Variants in PPP2R5A observed in about 807,000 individuals in gnomAD.
PPP2R5A encodes the protein protein phosphatase 2 regulatory subunit B'alpha, also known as serine/threonine-protein phosphatase 2A 56 kDa regulatory subunit alpha isoform.
A neutral mutation model predicts 64.2 loss-of-function variants in PPP2R5A; 25 were observed. The observed-to-expected ratio is 0.39, with a 90% confidence interval of 0.28 to 0.54. The LOEUF (loss-of-function observed/expected upper bound fraction) is 0.54. Ranked by LOEUF, PPP2R5A falls within the 20% of genes least tolerant of loss-of-function variation. PPP2R5A has a pLI of 0.67. For missense variants in PPP2R5A, 425 were observed against 576.3 expected, an observed-to-expected ratio of 0.74 and a Z score of 2.69; for synonymous variants, 198 against 201.2, an observed-to-expected ratio of 0.98 and a Z score of 0.13.
chr1:212,351,279 ATC>A (rs1166405568), intron 8 of PPP2R5A, among the ~76,000 whole-genome samples: 2 of 152,094 alleles, frequency 1.3e-5, no homozygotes. Context: ...ACTCATAAAG[ATC>A]TCTCGATATA....
rs1658500427 is a variant in PPP2R5A, at chr1:212,286,380, C to T, written c.181+89C>T. ...AGCAGAGCCATTTCCTGCTGGGTTT[C>T]TCCTGCTCAGTTGGGACTGGTAGTG... On this transcript the variant is annotated intron_variant, in intron 1 of 12. Coordinates refer to ENST00000261461, the MANE Select transcript of PPP2R5A (RefSeq NM_006243.4). 5.9e-6 allele frequency: 8 copies of T among 1,356,400 alleles called. No individual in the cohort carries two copies. The East Asian group carries it at 1.5e-4, about 26-fold the overall frequency. The allele number at this position is 1,356,400 out of a possible 1,614,324, so 84.0% of individuals were successfully genotyped here. A position where few individuals can be genotyped will look rare whatever the true frequency, so the allele number is the denominator to read the frequency against.
At chr1:212,343,142 G>A (rs1348652524) in intron 4 of PPP2R5A, among the ~76,000 whole-genome samples, 4 of 151,730 alleles carry the variant, frequency 2.6e-5, no homozygotes, top group East Asian at 1.9e-4. Context: ...TAGTAGAGAC[G>A]GGGTTTCACC....
intron 4 of PPP2R5A, among the ~76,000 whole-genome samples, chr1:212,344,549 G>T (rs1659739869): frequency 6.6e-6 from 1 of 152,152 alleles, no homozygotes; most frequent in Non-Finnish European, 1.5e-5. Flanking sequence ...TATCTTTATT[G>T]TAATTATAAA....
In PPP2R5A at chr1:212,285,985, G is replaced by GGCCGTGGGGCCGGGGC. The variant is rs1658487519; in HGVS notation, c.-123_-108dup. The GGCCGTGGGGCCGGGGC allele has an allele frequency of 1.0e-6, 1 of 981,266 alleles. No individual in the cohort carries two copies. Among genetic ancestry groups the GGCCGTGGGGCCGGGGC allele is most frequent in the Non-Finnish European group, 1.4e-6 (1 of 738,734 alleles). 60.8% of individuals were successfully genotyped at this position (981,266 alleles called of 1,614,324 possible). On this transcript the variant is annotated 5_prime_UTR_variant, in exon 1 of 13. Transcript: ENST00000261461. ...GCTCGGCGGCGTCCCGGGGCCGGAG[G>GGCCGTGGGGCCGGGGC]GCCGTGGGGCCGGGGCGCAGGGGCG...
At chr1:212,350,036 A>G (rs796326619) in intron 8 of PPP2R5A, among the ~76,000 whole-genome samples, 8 of 152,342 alleles carry the variant, frequency 5.3e-5, no homozygotes, top group East Asian at 3.9e-4. Flanking sequence ...AATGGCAAAA[A>G]CCACAATCAC....
At chr1:212,314,088 C>T (rs1025540490) in intron 1 of PPP2R5A, among the ~76,000 whole-genome samples, 4 of 152,162 alleles carry the variant, frequency 2.6e-5, no homozygotes, top group Non-Finnish European at 4.4e-5. Flanking sequence ...GCTTGTTTTT[C>T]GTTAGACTTC....
chr1:212,356,614 T>A lies in PPP2R5A; in HGVS notation c.928-12T>A, dbSNP rs774559162. On this transcript the variant is annotated splice_polypyrimidine_tract_variant and intron_variant, in intron 8 of 12. Transcript: ENST00000261461. ...GTTATTAAATTCATGCTAAACTTTTTCTTTTTCGCAGGTGATCAGAGGACT... is the reference window on the plus strand; with the variant it reads ...GTTATTAAATTCATGCTAAACTTTTACTTTTTCGCAGGTGATCAGAGGACT... The A allele has an allele frequency of 6.2e-7, 1 of 1,607,754 alleles. No homozygotes were observed. The highest frequency in any genetic ancestry group is 8.5e-7 in the Non-Finnish European group (1 of 1,177,834).
chr1:212,356,458 T>C (rs1445164860), intron 8 of PPP2R5A, among the ~76,000 whole-genome samples, 168 bp from the exon 9 acceptor site: 1 of 152,226 alleles, frequency 6.6e-6, no homozygotes, highest in African/African-American at 2.4e-5. Flanking sequence ...TAAATGTTAG[T>C]TGAATTAATA....
intron 8 of PPP2R5A, among the ~76,000 whole-genome samples, chr1:212,351,935 A>C (rs891280640): frequency 1.3e-5 from 2 of 151,144 alleles, no homozygotes; most frequent in Non-Finnish European, 3.0e-5. Context: ...AGAAAATCTA[A>C]CTTGAGCCCC....
chr1:212,313,348 A>C (rs530122770), intron 1 of PPP2R5A, among the ~76,000 whole-genome samples: 64 of 152,332 alleles, frequency 4.2e-4, no homozygotes, highest in Non-Finnish European at 5.4e-4. Context: ...AATAGGTATA[A>C]AGTGATGTAT....
At position 212,347,274 on chromosome 1, in the gene PPP2R5A, C is replaced by T. The variant is rs1336920126; in HGVS notation, c.705-73C>T. On this transcript the variant is annotated intron_variant, in intron 5 of 12. Coordinates refer to ENST00000261461, the MANE Select transcript of PPP2R5A (RefSeq NM_006243.4). Reference sequence around the variant, plus strand: ...TAGCTGTCCTTTGGATTGATTTCTTCACCCTCCTGCCTGTTTCTCTTAGTT... The same window carrying T: ...TAGCTGTCCTTTGGATTGATTTCTTTACCCTCCTGCCTGTTTCTCTTAGTT... The T allele has an allele frequency of 3.7e-6, 4 of 1,084,114 alleles. No homozygotes were observed. In the South Asian group the frequency reaches 5.5e-5, roughly 15 times the overall value. 67.2% of individuals were successfully genotyped at this position (1,084,114 alleles called of 1,614,324 possible).
At chr1:212,288,051 T>C in intron 1 of PPP2R5A, among the ~76,000 whole-genome samples, 1 of 152,200 alleles carries the variant, frequency 6.6e-6, no homozygotes, top group Middle Eastern at 3.2e-3. Context: ...TTTTTCACTT[T>C]CGTTGCTCAG....
chr1:212,341,382 A>T (rs1434490550), intron 3 of PPP2R5A, among the ~76,000 whole-genome samples: 3 of 151,990 alleles, frequency 2.0e-5, no homozygotes. Flanking sequence ...TAGTTTTCCC[A>T]CTGTAGTTTT....
At chr1:212,306,176 G>T (rs1472884264) in intron 1 of PPP2R5A, among the ~76,000 whole-genome samples, 1 of 152,076 alleles carries the variant, frequency 6.6e-6, no homozygotes. Flanking sequence ...TTTAGATAGG[G>T]TGGGCACGTA....
intron 1 of PPP2R5A, chr1:212,302,231 T>A: frequency 1.3e-6 from 1 of 775,868 alleles, no homozygotes; most frequent in Non-Finnish European, 1.9e-6. Context: ...CTACAAATTA[T>A]CTTACTGTAT....
At chr1:212,347,732 G>A (rs1202916055) in intron 6 of PPP2R5A, among the ~76,000 whole-genome samples, 4 of 152,002 alleles carry the variant, frequency 2.6e-5, no homozygotes, top group Admixed American at 1.3e-4. Flanking sequence ...TTTTAGTAGC[G>A]ATGGGGTTTC....
intron 8 of PPP2R5A, among the ~76,000 whole-genome samples, chr1:212,354,973 C>A (rs928016880): frequency 6.6e-6 from 1 of 152,124 alleles, no homozygotes; most frequent in African/African-American, 2.4e-5. Context: ...TTTAAGTACA[C>A]CCTGTGACAT....
chr1:212,352,896 T>A, intron 8 of PPP2R5A: 1 of 519,250 alleles, frequency 1.9e-6, no homozygotes, highest in Non-Finnish European at 3.8e-6. Context: ...TTTTCCTTGA[T>A]GGTCATAGTT....
chr1:212,330,618 G>A (rs1487882579), intron 2 of PPP2R5A, among the ~76,000 whole-genome samples: 1 of 151,634 alleles, frequency 6.6e-6, no homozygotes, highest in African/African-American at 2.4e-5. Context: ...TAAACTTAGA[G>A]TATTGAAGCT....
Sources: gnomAD v4.1 joint callset for allele counts (sites outside exome capture counted in the v4.1 genomes callset) on GRCh38, gnomAD v4.1.1 for gene constraint, MANE v1.5 for transcripts, NCBI Gene and HGNC (gene_info 2026-07-23, HGNC 2026-07-21) for gene names.